ADGRL3: variants seen among roughly 807,000 people sequenced by gnomAD.
ADGRL3 encodes the protein calcium-independent alpha-latrotoxin receptor 3.
In ADGRL3, 62 loss-of-function variants were observed where a neutral mutation model predicts 153.5. The observed-to-expected ratio is 0.40, with a 90% CI of 0.33 to 0.50. ADGRL3 has a LOEUF of 0.50. Among genes scored for constraint, ADGRL3 ranks in the 20% least tolerant of loss-of-function variants. The pLI is 0.47. For synonymous variants in ADGRL3, 710 were observed against 672.5 expected, an observed-to-expected ratio of 1.06 and a Z score of -0.86; for missense variants, 1,641 against 1,859.4, an observed-to-expected ratio of 0.88 and a Z score of 2.16.
At chr4:61,361,946 G>T (rs2096288591) in intron 1 of ADGRL3, among the ~76,000 whole-genome samples, 1 of 149,738 alleles carries the variant, frequency 6.7e-6, no homozygotes. Flanking sequence ...ACAGTTCTCT[G>T]AGGAAGGCTT....
intron 1 of ADGRL3, among the ~76,000 whole-genome samples, chr4:61,226,322 G>A (rs1386318049): frequency 2.0e-5 from 3 of 152,056 alleles, no homozygotes; most frequent in African/African-American, 7.2e-5. Context: ...TATTTTAGCT[G>A]TAAGTAGGCA....
At chr4:61,315,606 G>A (rs1275884673) in intron 1 of ADGRL3, among the ~76,000 whole-genome samples, 1 of 152,100 alleles carries the variant, frequency 6.6e-6, no homozygotes, top group East Asian at 1.9e-4. Context: ...TGATTTTGAG[G>A]CCTGGAGATA....
intron 2 of ADGRL3, among the ~76,000 whole-genome samples, chr4:61,446,875 A>G (rs2152497634): frequency 6.6e-6 from 1 of 152,312 alleles, no homozygotes; most frequent in African/African-American, 2.4e-5. Flanking sequence ...ATTACAATAA[A>G]AGGTAGGTGC....
chr4:61,438,270 T>C (rs1053556558), intron 2 of ADGRL3, among the ~76,000 whole-genome samples: 1 of 152,150 alleles, frequency 6.6e-6, no homozygotes, highest in Non-Finnish European at 1.5e-5. Flanking sequence ...TATGAAAATA[T>C]AAAACTGTAT....
intron 23 of ADGRL3, 49 bp downstream of exon 23, chr4:62,031,659 T>C (rs776081205): frequency 2.3e-6 from 3 of 1,314,994 alleles, no homozygotes; most frequent in African/African-American, 1.5e-5. Flanking sequence ...CATTTCATGA[T>C]AGCAAAGCAG....
At chr4:61,583,371 A>G (rs959090777) in intron 4 of ADGRL3, among the ~76,000 whole-genome samples, 7 of 152,030 alleles carry the variant, frequency 4.6e-5, no homozygotes, top group Non-Finnish European at 8.8e-5. Flanking sequence ...AAAAAGCACC[A>G]AATAGGCTTA....
At chr4:61,745,570 A>G (rs1476394921) in intron 8 of ADGRL3, among the ~76,000 whole-genome samples, 1 of 152,202 alleles carries the variant, frequency 6.6e-6, no homozygotes, top group African/African-American at 2.4e-5. Flanking sequence ...TTCTTAAAGA[A>G]AAGAATTTTC....
chr4:61,712,604 A>T (rs1253534523), intron 6 of ADGRL3, among the ~76,000 whole-genome samples: 2 of 152,158 alleles, frequency 1.3e-5, no homozygotes, highest in Non-Finnish European at 2.9e-5. Context: ...ATACTATTTG[A>T]ATTCCATTCA....
At chr4:61,452,244 G>C (rs776783914) in intron 2 of ADGRL3, among the ~76,000 whole-genome samples, 1 of 152,118 alleles carries the variant, frequency 6.6e-6, no homozygotes, top group African/African-American at 2.4e-5. Flanking sequence ...GGACTGCTCT[G>C]GAAGGTCATC....
intron 8 of ADGRL3, among the ~76,000 whole-genome samples, chr4:61,794,293 G>T (rs749655212): frequency 6.6e-6 from 1 of 152,168 alleles, no homozygotes; most frequent in Non-Finnish European, 1.5e-5. Flanking sequence ...TAGTCAGGTG[G>T]TCATTTTGCT....
chr4:61,436,878 G>A (rs1199149999), intron 2 of ADGRL3, among the ~76,000 whole-genome samples: 1 of 75,288 alleles, frequency 1.3e-5, no homozygotes, highest in Non-Finnish European at 3.0e-5. Context: ...TTAAATGTGT[G>A]GTACTTGATA....
intron 5 of ADGRL3, among the ~76,000 whole-genome samples, chr4:61,649,011 C>A (rs1177015839): frequency 6.6e-6 from 1 of 151,810 alleles, no homozygotes; most frequent in Admixed American, 6.6e-5. Flanking sequence ...TTCCCAGCAA[C>A]CCCAAATCTA....
chr4:61,778,240 G>C (rs915813704), intron 8 of ADGRL3, among the ~76,000 whole-genome samples: 1 of 152,162 alleles, frequency 6.6e-6, no homozygotes, highest in Admixed American at 6.5e-5. Flanking sequence ...TCTCAAATAT[G>C]TATTTACAAC....
At chr4:61,520,680 G>GTC in intron 4 of ADGRL3, among the ~76,000 whole-genome samples, 1 of 148,518 alleles carries the variant, frequency 6.7e-6, no homozygotes, top group Non-Finnish European at 1.5e-5. Context: ...GTGTGTGTGT[G>GTC]TGTGTCTGTC....
At chr4:61,887,563 C>T (rs2098546669) in intron 9 of ADGRL3, among the ~76,000 whole-genome samples, 2 of 151,968 alleles carry the variant, frequency 1.3e-5, no homozygotes, top group South Asian at 2.1e-4. Context: ...TATTGCAAAA[C>T]GGGCCAGGTG....
chr4:61,643,004 G>T (rs371649955), intron 5 of ADGRL3, among the ~76,000 whole-genome samples: 2 of 152,160 alleles, frequency 1.3e-5, no homozygotes, highest in African/African-American at 4.8e-5. Context: ...GGTCCTTCAC[G>T]TCCCTTGTAA....
intron 2 of ADGRL3, among the ~76,000 whole-genome samples, chr4:61,403,745 G>T (rs912092099): frequency 2.6e-5 from 4 of 152,004 alleles, no homozygotes; most frequent in Non-Finnish European, 4.4e-5. Context: ...GGACAGGCTT[G>T]TGTGACTGAT....
intron 6 of ADGRL3, among the ~76,000 whole-genome samples, chr4:61,689,897 C>T (rs1008819021): frequency 6.6e-6 from 1 of 152,022 alleles, no homozygotes; most frequent in African/African-American, 2.4e-5. Context: ...CTTATAAACT[C>T]GTTTCAAAAT....
At position 61,750,455 on chromosome 4, in the gene ADGRL3, C is replaced by T. The variant is rs966190602; in HGVS notation, c.1399+16901C>T. On this transcript the variant is annotated intron_variant, in intron 8 of 26. Transcript: ENST00000683033. ...GGGATTTAAAAGAATACAGGTGCCACAACTGAAAAACAAGGTAAGGAAAAG... is the reference window on the plus strand; with the variant it reads ...GGGATTTAAAAGAATACAGGTGCCATAACTGAAAAACAAGGTAAGGAAAAG... 2.0e-5 allele frequency among the ~76,000 whole-genome samples: 3 copies of T among 152,100 alleles called. No individual in the cohort carries two copies. In the East Asian group the frequency reaches 5.8e-4, roughly 29 times the overall value.
Sources: allele counts gnomAD v4.1 joint callset (sites outside exome capture counted in the v4.1 genomes callset), GRCh38; gene constraint gnomAD v4.1.1; transcripts MANE v1.5; gene names NCBI Gene and HGNC (gene_info 2026-07-23, HGNC 2026-07-21).